Variants in DACH1 observed in about 807,000 individuals in gnomAD.
The protein encoded by DACH1 is dachshund homolog 1.
A neutral mutation model predicts 54.2 loss-of-function variants in DACH1; 12 were observed. That is an observed-to-expected ratio of 0.22 (90% confidence interval 0.14 to 0.36). The LOEUF is 0.36. Among genes scored for constraint, DACH1 ranks in the 10% least tolerant of loss-of-function variants. The pLI is 1.00. For missense variants in DACH1, 805 were observed against 929.8 expected, an observed-to-expected ratio of 0.87 and a Z score of 1.75; for synonymous variants, 386 against 366.2, an observed-to-expected ratio of 1.05 and a Z score of -0.62.
intron 6 of DACH1, among the ~76,000 whole-genome samples, chr13:71,523,665 A>G (rs1425879402): frequency 6.6e-6 from 1 of 152,090 alleles, no homozygotes; most frequent in Non-Finnish European, 1.5e-5. Flanking sequence ...TTTGAACATT[A>G]TTCTCATCTA....
intron 10 of DACH1, among the ~76,000 whole-genome samples, chr13:71,455,345 C>CAGAT (rs1566269400): frequency 1.3e-5 from 2 of 151,772 alleles, no homozygotes; most frequent in Admixed American, 6.6e-5. Context: ...TCTATATAGA[C>CAGAT]AGATAGATAT....
chr13:71,836,486 A>G (rs1471710349), intron 1 of DACH1, among the ~76,000 whole-genome samples: 1 of 152,100 alleles, frequency 6.6e-6, no homozygotes, highest in African/African-American at 2.4e-5. Flanking sequence ...CCTAGTTTTT[A>G]TCTGCAGCAT....
chr13:71,812,842 A>G (rs1887770424), intron 1 of DACH1, among the ~76,000 whole-genome samples: 1 of 152,184 alleles, frequency 6.6e-6, no homozygotes, highest in African/African-American at 2.4e-5. Flanking sequence ...TACATCTCCT[A>G]AACTGTGACT....
intron 1 of DACH1, among the ~76,000 whole-genome samples, chr13:71,757,627 G>C (rs928087886): frequency 1.3e-5 from 2 of 150,954 alleles, no homozygotes; most frequent in Non-Finnish European, 2.9e-5. Context: ...AGGTTCAAGC[G>C]ATGCTCCAGC....
At chr13:71,573,396 A>G (rs1885336903) in intron 3 of DACH1, 2 of 714,558 alleles carry the variant, frequency 2.8e-6, no homozygotes, top group Admixed American at 2.0e-5. Context: ...ATGATTTTTA[A>G]TACTAAAGAA....
At chr13:71,657,147 T>G (rs1026654655) in intron 2 of DACH1, among the ~76,000 whole-genome samples, 1 of 151,638 alleles carries the variant, frequency 6.6e-6, no homozygotes, top group Admixed American at 6.6e-5. Context: ...GTCCTCATTT[T>G]ATTAATGGAG....
chr13:71,804,771 TC>T (rs923031923), intron 1 of DACH1, among the ~76,000 whole-genome samples: 1 of 152,200 alleles, frequency 6.6e-6, no homozygotes, highest in African/African-American at 2.4e-5. Context: ...AATTGATCTT[TC>T]CCCACTTTTT....
chr13:71,509,375 A>G (rs1880583116), intron 6 of DACH1, among the ~76,000 whole-genome samples: 1 of 152,194 alleles, frequency 6.6e-6, no homozygotes, highest in Non-Finnish European at 1.5e-5. Flanking sequence ...AACAATATGA[A>G]GAATATATAA....
intron 2 of DACH1, among the ~76,000 whole-genome samples, chr13:71,645,381 C>A (rs930455752): frequency 6.6e-6 from 1 of 152,064 alleles, no homozygotes; most frequent in Admixed American, 6.6e-5. Context: ...TGTGCGTAAA[C>A]GATTTAGTAA....
chr13:71,721,123 T>C (rs1243090602), intron 1 of DACH1, among the ~76,000 whole-genome samples: 1 of 152,160 alleles, frequency 6.6e-6, no homozygotes, highest in Non-Finnish European at 1.5e-5. Context: ...AAAATCTATA[T>C]CCAAACATGA....
At chr13:71,788,592 A>C (rs190524062) in intron 1 of DACH1, among the ~76,000 whole-genome samples, 1,714 of 151,996 alleles carry the variant, frequency 0.011, 27 homozygotes, top group African/African-American at 0.035. Context: ...ATACCCCCCC[A>C]CACACACACC....
intron 7 of DACH1, among the ~76,000 whole-genome samples, chr13:71,485,226 C>G (rs1878383403): frequency 6.6e-6 from 1 of 150,824 alleles, no homozygotes; most frequent in African/African-American, 2.4e-5. Flanking sequence ...AAAGAGGAAG[C>G]CATAATGAAA....
At chr13:71,708,002 G>A (rs1416454503) in intron 1 of DACH1, among the ~76,000 whole-genome samples, 1 of 151,744 alleles carries the variant, frequency 6.6e-6, no homozygotes, top group African/African-American at 2.4e-5. Flanking sequence ...TATACTTGGT[G>A]AGTAATCTAA....
intron 6 of DACH1, among the ~76,000 whole-genome samples, chr13:71,505,396 T>A (rs962613086): frequency 6.6e-6 from 1 of 152,154 alleles, no homozygotes; most frequent in African/African-American, 2.4e-5. Flanking sequence ...ATTTTCTTAA[T>A]AGTATATTTA....
chr13:71,588,390 C>T (rs184029469), intron 3 of DACH1, among the ~76,000 whole-genome samples: 1 of 152,030 alleles, frequency 6.6e-6, no homozygotes, highest in Non-Finnish European at 1.5e-5. Context: ...AAAGTTTGAC[C>T]ACACATAAAC....
chr13:71,865,016 C>A (rs543268951), intron 1 of DACH1, among the ~76,000 whole-genome samples: 1 of 152,244 alleles, frequency 6.6e-6, no homozygotes, highest in South Asian at 2.1e-4. Context: ...AAAGAGAGAT[C>A]GAGAGAGAGC....
At chr13:71,695,326 GCCGATTCTAGATA>G in intron 1 of DACH1, among the ~76,000 whole-genome samples, 1 of 152,170 alleles carries the variant, frequency 6.6e-6, no homozygotes, top group African/African-American at 2.4e-5. Flanking sequence ...GCATGCAAAG[GCCGATTCTAGATA>G]CCATGGCAGA....
At chr13:71,817,502 G>A (rs532386177) in intron 1 of DACH1, among the ~76,000 whole-genome samples, 2 of 152,156 alleles carry the variant, frequency 1.3e-5, no homozygotes, top group African/African-American at 4.8e-5. Flanking sequence ...ACACACCAGG[G>A]AACTAGGCCT....
At chr13:71,541,837 G>A (rs1883144762) in intron 6 of DACH1, among the ~76,000 whole-genome samples, 1 of 151,592 alleles carries the variant, frequency 6.6e-6, no homozygotes, top group Non-Finnish European at 1.5e-5. Flanking sequence ...GAATTCTATG[G>A]AGCTTTTTAA....
Sources: allele counts gnomAD v4.1 joint callset (sites outside exome capture counted in the v4.1 genomes callset), GRCh38; gene constraint gnomAD v4.1.1; transcripts MANE v1.5; gene names NCBI Gene and HGNC (gene_info 2026-07-23, HGNC 2026-07-21).